CFAP58: variants seen among roughly 807,000 people sequenced by gnomAD.
The protein encoded by CFAP58 is cilia- and flagella-associated protein 58.
A neutral mutation model predicts 119.5 loss-of-function variants in CFAP58; 88 were observed. The observed-to-expected ratio is 0.74, with a 90% CI of 0.62 to 0.88. The LOEUF is 0.88. Among genes scored for constraint, CFAP58 ranks in the 40% least tolerant of loss-of-function variants. The probability of loss-of-function intolerance (pLI) is 0.00; values close to 1 mark genes in which losing one functional copy is unlikely to be tolerated. For synonymous variants in CFAP58, 365 were observed against 366.3 expected (o/e 1.00, Z 0.04); for missense variants, 990 against 1,021.2 (o/e 0.97, Z 0.42).
At chr10:104,440,209 T>C (rs1483137643) in intron 15 of CFAP58, among the ~76,000 whole-genome samples, 2 of 147,916 alleles carry the variant, frequency 1.4e-5, no homozygotes, top group Non-Finnish European at 1.5e-5. Context: ...ATGACTGCTC[T>C]AGCATGCATC....
chr10:104,346,721 C>T, the CFAP58 span, among the ~76,000 whole-genome samples: 4 of 148,082 alleles, frequency 2.7e-5, no homozygotes, highest in South Asian at 2.1e-4. Flanking sequence ...CTGCAACCTC[C>T]GCCTCCTGGG....
chr10:104,380,977 C>T (rs549277774), intron 9 of CFAP58, among the ~76,000 whole-genome samples: 2 of 152,236 alleles, frequency 1.3e-5, no homozygotes, highest in Non-Finnish European at 2.9e-5. Context: ...CGGTGAAACC[C>T]TGTCTCTACA....
the CFAP58 span, among the ~76,000 whole-genome samples, chr10:104,344,111 A>G: frequency 6.6e-4 from 101 of 152,328 alleles, no homozygotes; most frequent in African/African-American, 2.3e-3. Context: ...TGGTTTATGT[A>G]TGTTAATTTT....
chr10:104,344,241 G>A, the CFAP58 span, among the ~76,000 whole-genome samples: 2 of 152,160 alleles, frequency 1.3e-5, no homozygotes, highest in African/African-American at 4.8e-5. Context: ...TGGTACCCTT[G>A]CCTTTGACAC....
At chr10:104,449,810 C>T (rs1386682849) in intron 16 of CFAP58, among the ~76,000 whole-genome samples, 2 of 151,912 alleles carry the variant, frequency 1.3e-5, no homozygotes, top group Non-Finnish European at 2.9e-5. Flanking sequence ...TGAGCCTGTT[C>T]GAATGTTGTC....
intron 9 of CFAP58, among the ~76,000 whole-genome samples, chr10:104,385,299 ATTG>A: frequency 6.6e-6 from 1 of 152,300 alleles, no homozygotes. Context: ...GTCTAGACTT[ATTG>A]TTGTTGTAAA....
Position 104,450,117 on chromosome 10 carries a change from A to T in CFAP58, c.2423A>T (p.Tyr808Phe), listed in dbSNP as rs751596279. 11 of 1,612,840 alleles carry T rather than the reference A, an allele frequency of 6.8e-6. No homozygotes were observed. In the Admixed American group the frequency reaches 1.8e-4, roughly 27 times the overall value. The change falls in exon 17 of 18, where the codon TAT becomes TTT. Residue 808 changes from tyrosine to phenylalanine, a missense_variant. Tyr to Phe is a conservative substitution (Grantham distance 22). Transcript: ENST00000369704. ...ATGTATGAAGTACAGAGCAAAGAAT[A>T]TAAATATGAGGTAGAGAAACTTACC... ...LNMYEVQSKE[Y>F]KYEVEKLTNE...
At chr10:104,357,850 C>T (rs1403208283) in intron 1 of CFAP58, among the ~76,000 whole-genome samples, 2 of 45,694 alleles carry the variant, frequency 4.4e-5, no homozygotes, top group East Asian at 4.4e-4. Context: ...CATATGTACA[C>T]ATATATACAC....
At chr10:104,407,829 T>C (rs1040826290) in intron 15 of CFAP58, among the ~76,000 whole-genome samples, 2 of 152,174 alleles carry the variant, frequency 1.3e-5, no homozygotes, top group African/African-American at 4.8e-5. Context: ...CCCAAGTAGC[T>C]GGGGTTACAG....
At chr10:104,389,058 C>T (rs190349444) in intron 9 of CFAP58, among the ~76,000 whole-genome samples, 145 of 152,314 alleles carry the variant, frequency 9.5e-4, no homozygotes, top group African/African-American at 3.4e-3. Flanking sequence ...CATACCACTT[C>T]TAATGGGGAC....
At chr10:104,382,622 C>T (rs911351024) in intron 9 of CFAP58, among the ~76,000 whole-genome samples, 9 of 152,088 alleles carry the variant, frequency 5.9e-5, no homozygotes, top group African/African-American at 9.7e-5. Flanking sequence ...CCCCATGTGT[C>T]GAGGGAGGGA....
intron 7 of CFAP58, among the ~76,000 whole-genome samples, chr10:104,373,996 G>A (rs1331083186): frequency 6.6e-6 from 1 of 152,158 alleles, no homozygotes; most frequent in Non-Finnish European, 1.5e-5. Context: ...ATAAGCTTCT[G>A]CTTTTGGGGA....
the CFAP58 span, among the ~76,000 whole-genome samples, chr10:104,348,551 G>A: frequency 6.6e-6 from 1 of 152,198 alleles, no homozygotes; most frequent in Non-Finnish European, 1.5e-5. Context: ...TAGTCCTTGA[G>A]TTTGGAGGCA....
Position 104,365,884 on chromosome 10 carries a change from A to G in CFAP58, c.668A>G (p.Lys223Arg). 6.2e-7 allele frequency: 1 copy of G among 1,613,530 alleles called. No individual in the cohort carries two copies. Among genetic ancestry groups the G allele is most frequent in the Non-Finnish European group, 8.5e-7 (1 of 1,179,766 alleles). Reference sequence around the variant, plus strand: ...TTCCGGAAGAAGGAAAAACTAGAGAAAGAGCTCAAGCAGATTCAGGCAGAC... The same window carrying G: ...TTCCGGAAGAAGGAAAAACTAGAGAGAGAGCTCAAGCAGATTCAGGCAGAC... Reference protein sequence around the residue: ...REFRKKEKLEKELKQIQADMD... With the variant: ...REFRKKEKLERELKQIQADMD... The change falls in exon 5 of 18, where the codon AAA (lysine) becomes AGA (arginine). Residue 223 changes from lysine (K) to arginine (R), a missense_variant. Physicochemically the swap from Lys to Arg is conservative, Grantham distance 26. Coordinates refer to ENST00000369704, the MANE Select transcript of CFAP58 (RefSeq NM_001008723.2).
chr10:104,358,368 G>T lies in CFAP58; in HGVS notation c.37G>T (p.Glu13Ter). 1.2e-6 allele frequency: 2 copies of T among 1,613,262 alleles called. No individual in the cohort carries two copies. The highest frequency in any genetic ancestry group is 1.7e-6 in the Non-Finnish European group (2 of 1,179,572). Reference sequence around the variant, plus strand: ...AAAGGGTGGAAAGCAAGTCCTGGAAGAATCTGCATTTGAAGAAATGGAAAG... The same window carrying T: ...AAAGGGTGGAAAGCAAGTCCTGGAATAATCTGCATTTGAAGAAATGGAAAG... ...EEKGGKQVLE[E>*]SAFEEMERDF... The change falls in exon 2 of 18, where the codon GAA becomes TAA. Residue 13 changes from glutamate to a stop codon, truncating the protein, a stop_gained. Transcript: ENST00000369704. LOFTEE classifies it high-confidence loss of function.
rs559360296 is a variant in CFAP58 at position 104,404,682 on chromosome 10, T to A, written c.2151+842T>A. On this transcript the variant is annotated intron_variant, in intron 14 of 17. Coordinates refer to ENST00000369704, the MANE Select transcript of CFAP58 (RefSeq NM_001008723.2). ...TGGAGTGCAGTGGCGTGATCTCGGC[T>A]CACTGCAAGCTCTGCCTCCCGGGTT... Among the ~76,000 whole-genome samples, 7 of 152,240 alleles carry A rather than the reference T, an allele frequency of 4.6e-5. No homozygotes were observed. In the East Asian group the frequency reaches 1.4e-3, roughly 30 times the overall value.
In CFAP58 at chr10:104,393,554, C is replaced by A; in HGVS notation, c.1674+79C>A. On this transcript the variant is annotated intron_variant, in intron 11 of 17. Coordinates refer to ENST00000369704, the MANE Select transcript of CFAP58 (RefSeq NM_001008723.2). ...CGGCCTCCAGTCTCACTGAAGGCAG[C>A]CAGGGGCAGGGAGAACAACCACGCC... is the stretch of plus-strand genomic sequence containing the variant. 3 of 1,423,224 alleles carry A rather than the reference C, an allele frequency of 2.1e-6. No homozygotes were observed. In the South Asian group the frequency reaches 4.1e-5, roughly 19 times the overall value. 88.2% of individuals were successfully genotyped at this position (1,423,224 alleles called of 1,614,324 possible). A position where few individuals can be genotyped will look rare whatever the true frequency, so the allele number is the denominator to read the frequency against.
At chr10:104,444,582 C>T (rs1231702617) in intron 15 of CFAP58, among the ~76,000 whole-genome samples, 3 of 152,186 alleles carry the variant, frequency 2.0e-5, no homozygotes, top group African/African-American at 7.2e-5. Context: ...ACCTTCAATC[C>T]ATCAAACATT....
the CFAP58 span, among the ~76,000 whole-genome samples, chr10:104,342,824 G>A: frequency 7.0e-6 from 1 of 143,728 alleles, no homozygotes; most frequent in Non-Finnish European, 1.5e-5. Flanking sequence ...CAGCCTGGGT[G>A]AGGGAGTGAG....
Sources: allele counts gnomAD v4.1 joint callset (sites outside exome capture counted in the v4.1 genomes callset), GRCh38; gene constraint gnomAD v4.1.1; transcripts MANE v1.5; gene names NCBI Gene and HGNC (gene_info 2026-07-23, HGNC 2026-07-21).